ITGAL: variants seen among roughly 807,000 people sequenced by gnomAD.
The protein encoded by ITGAL is integrin subunit alpha L, also known as integrin alpha-L.
Under a neutral mutation model 138.4 loss-of-function variants are expected in ITGAL, and 68 were observed. That is an observed-to-expected ratio of 0.49 (90% confidence interval 0.40 to 0.60). The LOEUF (loss-of-function observed/expected upper bound fraction) is 0.60, where lower values mean the gene tolerates loss of function less well. Among genes scored for constraint, ITGAL ranks in the 20% least tolerant of loss-of-function variants. The pLI is 0.00. For synonymous variants in ITGAL, 561 were observed against 584.3 expected, an observed-to-expected ratio of 0.96 and a Z score of 0.57; for missense variants, 1,256 against 1,478.6, an observed-to-expected ratio of 0.85 and a Z score of 2.47.
rs1283414896 is a variant in ITGAL, at chr16:30,489,356, T to C, written c.1183T>C (p.Leu395=). The C allele has an allele frequency of 3.7e-6, 6 of 1,614,128 alleles. No homozygotes were observed. Among genetic ancestry groups the C allele is most frequent in the East Asian group, 4.5e-5 (2 of 44,880 alleles). ...TGACACATTTATTGGGAATGAACCA[T>C]TGACACCAGAAGTGAGAGCAGGCTA... ...QDDTFIGNEP[L]TPEVRAGYLG... Residue 395 remains leucine (L), a synonymous_variant, in exon 11 of 31, where the codon TTG becomes CTG. Coordinates refer to ENST00000356798, the MANE Select transcript of ITGAL (RefSeq NM_002209.3).
At chr16:30,499,873 C>T (rs1047401420) in intron 17 of ITGAL, among the ~76,000 whole-genome samples, 6 of 147,284 alleles carry the variant, frequency 4.1e-5, no homozygotes, top group African/African-American at 7.4e-5. Context: ...CTCAGTCTCC[C>T]GAGTACCTGG....
intron 9 of ITGAL, 64 bp downstream of exon 9, chr16:30,484,327 G>C: frequency 6.6e-7 from 1 of 1,525,646 alleles, no homozygotes; most frequent in Non-Finnish European, 8.9e-7. Context: ...TGGGACATCA[G>C]GCCGGGCTTG....
chr16:30,519,768 TAGG>T, intron 29 of ITGAL, 86 bp from the exon 30 acceptor site: 4 of 828,822 alleles, frequency 4.8e-6, no homozygotes, highest in South Asian at 2.8e-5. Context: ...GCAGTCCGGA[TAGG>T]AGGAGATGGG....
At chr16:30,474,097 G>A in intron 1 of ITGAL, 99 bp from the exon 2 acceptor site, 1 of 860,324 alleles carries the variant, frequency 1.2e-6, no homozygotes, top group East Asian at 2.6e-5. Context: ...CGGGTGGCCT[G>A]GGGAGCGACA....
chr16:30,510,331 A>T, intron 21 of ITGAL, 30 bp from the exon 22 acceptor site: 1 of 1,391,724 alleles, frequency 7.2e-7, no homozygotes, highest in Non-Finnish European at 1.0e-6. Context: ...CTTGCTCATT[A>T]ACAAACTTGT....
At chr16:30,479,658 T>G (rs2050525848) in intron 6 of ITGAL, among the ~76,000 whole-genome samples, 197 bp downstream of exon 6, 1 of 68,534 alleles carries the variant, frequency 1.5e-5, no homozygotes, top group Non-Finnish European at 3.5e-5. Flanking sequence ...CTTTTTTTTT[T>G]TTTTTTTTTT....
chr16:30,511,616 C>T (rs1597104005), intron 24 of ITGAL, among the ~76,000 whole-genome samples: 2 of 152,256 alleles, frequency 1.3e-5, no homozygotes, highest in South Asian at 4.1e-4. Context: ...TTCAGTCACC[C>T]TAGATTCTCT....
chr16:30,485,731 G>A (rs539680497), intron 9 of ITGAL, among the ~76,000 whole-genome samples: 4 of 147,458 alleles, frequency 2.7e-5, no homozygotes, highest in Admixed American at 6.9e-5. Context: ...CAGGGATCTC[G>A]CTATGTTGCC....
chr16:30,502,896 C>T (rs530608965), intron 17 of ITGAL, among the ~76,000 whole-genome samples: 55 of 151,864 alleles, frequency 3.6e-4, no homozygotes, highest in African/African-American at 1.2e-3. Flanking sequence ...CCACTGCAGC[C>T]TCTGCCCTCC....
chr16:30,521,356 G>A (rs1263982971), intron 30 of ITGAL, 136 bp from the exon 31 acceptor site: 23 of 659,628 alleles, frequency 3.5e-5, no homozygotes, highest in East Asian at 2.4e-4. Context: ...GCAGTGAGCC[G>A]AGATCGCACC....
intron 13 of ITGAL, among the ~76,000 whole-genome samples, chr16:30,495,584 C>T (rs2050788092): frequency 1.3e-5 from 2 of 152,248 alleles, no homozygotes; most frequent in South Asian, 4.1e-4. Flanking sequence ...AATCCCAGCA[C>T]TTTGAGAGGC....
chr16:30,481,692 C>T, intron 7 of ITGAL, 108 bp downstream of exon 7: 1 of 945,282 alleles, frequency 1.1e-6, no homozygotes, highest in Admixed American at 2.5e-5. Flanking sequence ...CAGCAAGGGG[C>T]AGTTTATTGT....
intron 2 of ITGAL, 121 bp downstream of exon 2, chr16:30,474,419 T>A (rs952745988): frequency 8.3e-5 from 56 of 672,376 alleles, no homozygotes; most frequent in Admixed American, 6.3e-4. Flanking sequence ...CTCCAGGGGT[T>A]CCCGTCTGGA....
At chr16:30,510,805 T>C in intron 22 of ITGAL, 76 bp from the exon 23 acceptor site, 1 of 1,145,720 alleles carries the variant, frequency 8.7e-7, no homozygotes, top group Non-Finnish European at 1.3e-6. Flanking sequence ...CCTGAGATGA[T>C]GGTGATTAGA....
At position 30,473,158 on chromosome 16, in the gene ITGAL, G is replaced by A. The variant is rs373273517; in HGVS notation, c.61+260G>A. Among the ~76,000 whole-genome samples the A allele has an allele frequency of 5.2e-4, 79 of 152,264 alleles. No individual in the cohort carries two copies. In the South Asian group the frequency reaches 0.014, roughly 27 times the overall value. On this transcript the variant is annotated intron_variant, in intron 1 of 30. Transcript: ENST00000356798. The stretch of plus-strand genomic sequence containing the variant: ...TTTAAAAAGACAGATAGGGCCAGGC[G>A]CGGTGGCTCACGCCTGTAATCCCAG...
chr16:30,506,969 A>AG, intron 21 of ITGAL, 113 bp downstream of exon 21: 1 of 1,124,106 alleles, frequency 8.9e-7, no homozygotes, highest in Non-Finnish European at 1.3e-6. Context: ...GCGGGTGGAC[A>AG]GGGGTCTTAG....
In ITGAL at chr16:30,483,809, C is replaced by T. The variant is rs973073460; in HGVS notation, c.723-18C>T. 1.9e-6 allele frequency: 3 copies of T among 1,597,470 alleles called. No individual in the cohort carries two copies. In the African/African-American group the frequency reaches 4.0e-5, roughly 21 times the overall value. ...CTAGTTTGGGGGAGTCTCTCATCTC[C>T]TCCTTTCCTGGACACAGGACAGAGG... is the stretch of plus-strand genomic sequence containing the variant. On this transcript the variant is annotated intron_variant, in intron 7 of 30. Transcript: ENST00000356798.
rs1021926430 is a variant in ITGAL at position 30,507,003 on chromosome 16, C to T, written c.2508+147C>T. On this transcript the variant is annotated intron_variant, in intron 21 of 30. Coordinates refer to ENST00000356798, the MANE Select transcript of ITGAL (RefSeq NM_002209.3). ...AGGGTCATATCTGGGTTCCCAGCCTCGAGCTGTATGATCCGAGGTACCAGG... is the reference window on the plus strand; with the variant it reads ...AGGGTCATATCTGGGTTCCCAGCCTTGAGCTGTATGATCCGAGGTACCAGG... The T allele has an allele frequency of 1.8e-5, 15 of 838,392 alleles. No homozygotes were observed. In the Admixed American group the frequency reaches 2.7e-4, roughly 15 times the overall value. The allele number at this position is 838,392 out of a possible 1,614,324, so 51.9% of individuals were successfully genotyped here.
intron 11 of ITGAL, among the ~76,000 whole-genome samples, chr16:30,493,555 C>T (rs1235189065): frequency 6.6e-6 from 1 of 151,982 alleles, no homozygotes; most frequent in Non-Finnish European, 1.5e-5. Flanking sequence ...GGATTACAGG[C>T]GTGAGCCACC....
Sources: gnomAD v4.1 joint callset for allele counts (sites outside exome capture counted in the v4.1 genomes callset) on GRCh38, gnomAD v4.1.1 for gene constraint, MANE v1.5 for transcripts, NCBI Gene and HGNC (gene_info 2026-07-23, HGNC 2026-07-21) for gene names.